The following HIVEP3 variants were observed in gnomAD, a reference collection of about 807,000 sequenced individuals.
The protein encoded by HIVEP3 is HIVEP zinc finger 3.
In HIVEP3, 49 loss-of-function variants were observed where a neutral mutation model predicts 152.8. The observed-to-expected ratio is 0.32, with a 90% confidence interval of 0.26 to 0.41. The LOEUF (loss-of-function observed/expected upper bound fraction) is 0.41, where lower values mean the gene tolerates loss of function less well. HIVEP3 is among the 10% of genes least tolerant of loss of function. The pLI, the probability that HIVEP3 is intolerant of heterozygous loss-of-function variation, is 1.00. For missense variants in HIVEP3, 2,790 were observed against 3,103.3 expected (o/e 0.90, Z 2.40); for synonymous variants, 1,269 against 1,289.0 (o/e 0.98, Z 0.33).
chr1:41,951,513 G>A (rs1041699582), intron 1 of HIVEP3, among the ~76,000 whole-genome samples: 1 of 152,160 alleles, frequency 6.6e-6, no homozygotes, highest in Admixed American at 6.5e-5. Context: ...TTCATTTTAT[G>A]TAAATTCTAC....
chr1:41,613,332 G>A (rs1328885996), intron 3 of HIVEP3, among the ~76,000 whole-genome samples: 3 of 152,206 alleles, frequency 2.0e-5, no homozygotes, highest in East Asian at 1.9e-4. Flanking sequence ...ACTTTGGAAC[G>A]CGTGGGGCGG....
intron 1 of HIVEP3, among the ~76,000 whole-genome samples, chr1:41,977,614 C>T (rs1050251327): frequency 1.3e-5 from 2 of 152,212 alleles, no homozygotes; most frequent in African/African-American, 4.8e-5. Flanking sequence ...ACTCATTCAT[C>T]AGAACATCTG....
At chr1:41,682,353 C>A (rs1342709580) in intron 2 of HIVEP3, among the ~76,000 whole-genome samples, 1 of 152,090 alleles carries the variant, frequency 6.6e-6, no homozygotes, top group African/African-American at 2.4e-5. Flanking sequence ...TGTCTGTCTC[C>A]CTACCTAGGT....
At chr1:41,963,289 G>T (rs926869781) in intron 1 of HIVEP3, among the ~76,000 whole-genome samples, 4 of 152,204 alleles carry the variant, frequency 2.6e-5, no homozygotes, top group Non-Finnish European at 5.9e-5. Flanking sequence ...GGGATTACGG[G>T]CGTGAGCCAC....
chr1:41,839,150 G>A (rs1403398881), intron 1 of HIVEP3, among the ~76,000 whole-genome samples: 1 of 152,180 alleles, frequency 6.6e-6, no homozygotes, highest in South Asian at 2.1e-4. Context: ...GCCTTGACCT[G>A]TGATTTCCTC....
At chr1:41,888,594 T>C (rs965516916) in intron 1 of HIVEP3, among the ~76,000 whole-genome samples, 11 of 152,018 alleles carry the variant, frequency 7.2e-5, no homozygotes, top group Admixed American at 6.6e-4. Context: ...CATCATCAGA[T>C]GTGAGCCAAG....
chr1:42,012,409 A>G (rs937387465), intron 1 of HIVEP3, among the ~76,000 whole-genome samples: 17 of 135,166 alleles, frequency 1.3e-4, no homozygotes, highest in Admixed American at 4.6e-4. Context: ...TGTGGTCCCC[A>G]TGATGGGGCT....
intron 1 of HIVEP3, among the ~76,000 whole-genome samples, chr1:41,879,456 T>C (rs75624984): frequency 0.017 from 2,541 of 152,358 alleles, 70 homozygotes; most frequent in African/African-American, 0.057. Context: ...TGGTTTTGAA[T>C]GACCTTCTCT....
At chr1:41,978,431 G>A (rs1237885089) in intron 1 of HIVEP3, among the ~76,000 whole-genome samples, 2 of 152,196 alleles carry the variant, frequency 1.3e-5, no homozygotes, top group Non-Finnish European at 2.9e-5. Flanking sequence ...AAGAAGAGGA[G>A]GAGACACCAG....
rs1052536883 is a variant in HIVEP3, at chr1:41,575,812, T to TC, written c.5062-124dup. On this transcript the variant is annotated intron_variant, in intron 4 of 8. Transcript: ENST00000372583. ...AAGTACACATATGCAATCTTCACAC[T>TC]CCCCCATGAAGAGGTGCTATTAGCT... 52 of 1,029,850 alleles carry TC rather than the reference T, an allele frequency of 5.0e-5. No individual in the cohort carries two copies. In the African/African-American group the frequency reaches 7.2e-4, roughly 14 times the overall value. The allele number at this position is 1,029,850 out of a possible 1,614,324, so 63.8% of individuals were successfully genotyped here. A position where few individuals can be genotyped will look rare whatever the true frequency, so the allele number is the denominator to read the frequency against.
At chr1:42,033,309 C>A (rs745916942) in intron 1 of HIVEP3, among the ~76,000 whole-genome samples, 23 of 152,248 alleles carry the variant, frequency 1.5e-4, no homozygotes, top group Middle Eastern at 3.4e-3. Flanking sequence ...TATAGGATGA[C>A]TTCTTTTAAT....
chr1:41,822,727 A>C lies in HIVEP3; in HGVS notation c.-801+95686T>G, dbSNP rs576825269. 7.2e-5 allele frequency among the ~76,000 whole-genome samples: 11 copies of C among 152,262 alleles called. No individual in the cohort carries two copies. The South Asian group carries it at 8.3e-4, about 11-fold the overall frequency. On this transcript the variant is annotated intron_variant, in intron 1 of 8. Transcript: ENST00000372583. ...CTTTCCTATATTTGCTTTGCATCAC[A>C]CAAAACTGCTTGGTCTGGGAAGGGG...
chr1:41,736,164 C>T (rs879849367), intron 1 of HIVEP3, among the ~76,000 whole-genome samples: 2 of 152,164 alleles, frequency 1.3e-5, no homozygotes, highest in Non-Finnish European at 2.9e-5. Context: ...CTCGAGAGTT[C>T]CAATGTTCTG....
At chr1:41,730,427 G>T (rs1646821911) in intron 1 of HIVEP3, among the ~76,000 whole-genome samples, 1 of 152,170 alleles carries the variant, frequency 6.6e-6, no homozygotes. Context: ...TGCATCCCTG[G>T]CACCAGTGCT....
intron 5 of HIVEP3, among the ~76,000 whole-genome samples, chr1:41,555,838 T>A (rs537971825): frequency 6.6e-6 from 1 of 152,328 alleles, no homozygotes; most frequent in African/African-American, 2.4e-5. Context: ...TTTCTATCTA[T>A]GGATACGACT....
intron 1 of HIVEP3, among the ~76,000 whole-genome samples, chr1:41,998,414 G>A (rs1645407378): frequency 6.6e-6 from 1 of 152,110 alleles, no homozygotes; most frequent in African/African-American, 2.4e-5. Context: ...AATCAAATGA[G>A]GGGTGAAAAT....
intron 1 of HIVEP3, among the ~76,000 whole-genome samples, chr1:41,949,414 C>G (rs947763844): frequency 1.3e-5 from 2 of 152,208 alleles, no homozygotes; most frequent in Non-Finnish European, 2.9e-5. Context: ...CCTTGCAAGA[C>G]CAACTTAACT....
intron 7 of HIVEP3, among the ~76,000 whole-genome samples, chr1:41,517,332 A>G (rs1343880298): frequency 2.0e-5 from 3 of 152,156 alleles, no homozygotes; most frequent in African/African-American, 7.2e-5. Context: ...TGTTTTGAGG[A>G]CTCAATGAGA....
At chr1:41,871,197 C>T (rs1021906235) in intron 1 of HIVEP3, among the ~76,000 whole-genome samples, 1 of 152,212 alleles carries the variant, frequency 6.6e-6, no homozygotes, top group African/African-American at 2.4e-5. Context: ...TCTACTCCAA[C>T]TTCCAGACTT....
Sources: gnomAD v4.1 joint callset for allele counts (sites outside exome capture counted in the v4.1 genomes callset) on GRCh38, gnomAD v4.1.1 for gene constraint, MANE v1.5 for transcripts, NCBI Gene and HGNC (gene_info 2026-07-23, HGNC 2026-07-21) for gene names.